The following SLC16A3 variants were observed in gnomAD, a reference collection of about 807,000 sequenced individuals.
SLC16A3 encodes solute carrier family 16 member 3, also known as monocarboxylate transporter 4.
Under a neutral mutation model 25.0 loss-of-function variants are expected in SLC16A3, and 22 were observed. The observed-to-expected ratio is 0.88, with a 90% CI of 0.63 to 1.26. The LOEUF is 1.26. Among genes scored for constraint, SLC16A3 ranks in the 50% most tolerant of loss-of-function variants. The probability of loss-of-function intolerance (pLI) is 0.00; values close to 1 mark genes in which losing one functional copy is unlikely to be tolerated. For synonymous variants in SLC16A3, 390 were observed against 309.2 expected (o/e 1.26, Z -2.74); for missense variants, 731 against 666.6 (o/e 1.10, Z -1.06).
chr17:82,225,055 G>A (rs985846110), upstream of SLC16A3, among the ~76,000 whole-genome samples: 2 of 152,224 alleles, frequency 1.3e-5, no homozygotes, highest in African/African-American at 4.8e-5. Context: ...AAGGTCAGGA[G>A]TTCAAGACTA....
At chr17:82,225,218 C>T (rs149847543), upstream of SLC16A3, among the ~76,000 whole-genome samples, 252 of 152,174 alleles carry the variant, frequency 1.7e-3, no homozygotes, top group African/African-American at 5.9e-3. Flanking sequence ...CCCAAGAATG[C>T]ACCACTACAC....
At chr17:82,219,900 C>T (rs2050378696) in intron 1 of SLC16A3, among the ~76,000 whole-genome samples, 1 of 152,146 alleles carries the variant, frequency 6.6e-6, no homozygotes, top group African/African-American at 2.4e-5. Context: ...CAGAGGAAAC[C>T]CTGACCCCCC....
chr17:82,231,152 G>A (rs567349486), intron 1 of SLC16A3: 7 of 152,242 alleles, frequency 4.6e-5, no homozygotes, highest in East Asian at 1.9e-4. Flanking sequence ...CTGGCGGGGC[G>A]GGGCCGGGCG....
rs772421373 is a variant in SLC16A3, at chr17:82,238,754, G to A, written c.1176G>A (p.Gly392=). The A allele has an allele frequency of 1.1e-5, 18 of 1,612,518 alleles. No individual in the cohort carries two copies. In the East Asian group the frequency reaches 4.0e-4, roughly 36 times the overall value. ...HVYMYVFILA[G]AEVLTSSLIL... ...ACATGTACGTGTTCATCCTGGCGGG[G>A]GCCGAGGTGCTCACCTCCTCCCTGA... Residue 392 remains glycine, a synonymous_variant, in exon 5 of 5, where the codon GGG becomes GGA. Transcript: ENST00000582743.
chr17:82,223,153 A>C (rs1305146272), intron 1 of SLC16A3, among the ~76,000 whole-genome samples: 2 of 152,200 alleles, frequency 1.3e-5, no homozygotes, highest in African/African-American at 4.8e-5. Context: ...ACCGTGTGCT[A>C]CAAGAGCTCT....
At chr17:82,238,598 G>C in intron 4 of SLC16A3, 104 bp from the exon 5 acceptor site, 1 of 1,209,980 alleles carries the variant, frequency 8.3e-7, no homozygotes, top group South Asian at 1.6e-5. Flanking sequence ...AGGCAGACAG[G>C]GTGACCCTTG....
At chr17:82,232,816 T>TG (rs2147119981) in intron 1 of SLC16A3, among the ~76,000 whole-genome samples, 1 of 143,788 alleles carries the variant, frequency 7.0e-6, no homozygotes. Flanking sequence ...GTAGAGCCTT[T>TG]GGGGGACCTG....
chr17:82,228,853 TG>T (rs541944184), upstream of SLC16A3, among the ~76,000 whole-genome samples: 17 of 149,572 alleles, frequency 1.1e-4, no homozygotes, highest in African/African-American at 3.2e-4. Flanking sequence ...CGGTTCCGGT[TG>T]GGGGGGTCCC....
At chr17:82,226,453 C>A (rs1387556946), upstream of SLC16A3, among the ~76,000 whole-genome samples, 2 of 152,160 alleles carry the variant, frequency 1.3e-5, no homozygotes, top group Non-Finnish European at 2.9e-5. Context: ...CCTTTCCCAC[C>A]CCTTCCCGCA....
At chr17:82,226,022 G>C (rs1316000653), upstream of SLC16A3, among the ~76,000 whole-genome samples, 1 of 151,742 alleles carries the variant, frequency 6.6e-6, no homozygotes. Flanking sequence ...CTCCCACAAA[G>C]GTTGCTCTTG....
chr17:82,237,343 C>A lies in SLC16A3; in HGVS notation c.573C>A (p.Cys191Ter). Residue 191 changes from cysteine to a stop codon, truncating the protein, a stop_gained, in exon 4 of 5, where the codon TGC (cysteine) becomes TGA (stop). Transcript: ENST00000582743. LOFTEE classifies it high-confidence loss of function. Reference protein sequence around the residue: ...LILGGLLLNCCVCAALMRPLV... With the variant: ...LILGGLLLNC ...TGGGCGGCCTGCTGCTCAACTGCTG[C>A]GTGTGTGCCGCACTCATGAGGCCCC... 6.5e-7 allele frequency: 1 copy of A among 1,539,240 alleles called. No individual in the cohort carries two copies. Among genetic ancestry groups the A allele is most frequent in the Non-Finnish European group, 8.8e-7 (1 of 1,141,146 alleles).
chr17:82,236,672 C>T (rs1238626781), intron 2 of SLC16A3, 57 bp from the exon 3 acceptor site: 13 of 1,573,406 alleles, frequency 8.3e-6, no homozygotes, highest in Admixed American at 5.1e-5. Context: ...GCTCAGTCGG[C>T]TGGCGGGGGT....
At chr17:82,227,311 A>G (rs2050429335), upstream of SLC16A3, among the ~76,000 whole-genome samples, 3 of 151,452 alleles carry the variant, frequency 2.0e-5, no homozygotes, top group East Asian at 2.0e-4. Flanking sequence ...TTGCTGCTCT[A>G]CGGTGGGGGT....
rs2050634942 is a variant in SLC16A3 at position 82,237,472 on chromosome 17, C to T, written c.702C>T (p.Ala234=). 2.5e-6 allele frequency: 4 copies of T among 1,608,740 alleles called. No individual in the cohort carries two copies. Among genetic ancestry groups the T allele is most frequent in the Non-Finnish European group, 3.4e-6 (4 of 1,179,150 alleles). Residue 234 remains alanine (A), a synonymous_variant, in exon 4 of 5, where the codon GCC becomes GCT. Transcript: ENST00000582743. ...RDRGFVLYAV[A]ASVMVLGLFV... is the part of the protein sequence containing the mutation. ...GCGGCTTTGTGCTTTACGCCGTGGC[C>T]GCCTCGGTCATGGTGCTGGGGCTCT...
chr17:82,232,701 T>G (rs2147119741), intron 1 of SLC16A3, among the ~76,000 whole-genome samples: 1 of 152,234 alleles, frequency 6.6e-6, no homozygotes, highest in East Asian at 1.9e-4. Flanking sequence ...CAGGAGCCCC[T>G]GGCTTGGGAG....
Position 82,236,101 on chromosome 17 carries a change from C to T in SLC16A3, c.93C>T (p.Ile31=), listed in dbSNP as rs746371441. The T allele has an allele frequency of 2.7e-5, 44 of 1,613,048 alleles. No homozygotes were observed. The highest frequency in any genetic ancestry group is 3.7e-5 in the Non-Finnish European group (44 of 1,179,984). The part of the protein sequence containing the change: ...GWAVLFGCFV[I]TGFSYAFPKA... Reference sequence around the variant, plus strand: ...CCGTGCTCTTCGGCTGTTTCGTCATCACTGGCTTCTCCTACGCCTTCCCCA... The same window carrying T: ...CCGTGCTCTTCGGCTGTTTCGTCATTACTGGCTTCTCCTACGCCTTCCCCA... Residue 31 remains isoleucine (I), a synonymous_variant, in exon 2 of 5, where the codon ATC becomes ATT. Transcript: ENST00000582743.
chr17:82,219,431 C>T (rs1383412206), intron 1 of SLC16A3, among the ~76,000 whole-genome samples: 4 of 152,060 alleles, frequency 2.6e-5, no homozygotes, highest in Admixed American at 6.5e-5. Context: ...AGGGAAGGTC[C>T]GGTCACCCCC....
At chr17:82,220,405 C>T (rs2050381965) in intron 1 of SLC16A3, among the ~76,000 whole-genome samples, 1 of 152,194 alleles carries the variant, frequency 6.6e-6, no homozygotes, top group African/African-American at 2.4e-5. Flanking sequence ...CACAGGCAGC[C>T]CCTGCCTGGC....
upstream of SLC16A3, chr17:82,228,368 A>C (rs1294753609): frequency 3.9e-5 from 6 of 152,030 alleles, no homozygotes; most frequent in South Asian, 4.1e-4. Context: ...GCAGGGCTGG[A>C]GTCGGTGGCT....
Sources: allele counts gnomAD v4.1 joint callset (sites outside exome capture counted in the v4.1 genomes callset), GRCh38; gene constraint gnomAD v4.1.1; transcripts MANE v1.5; gene names NCBI Gene and HGNC (gene_info 2026-07-23, HGNC 2026-07-21).